MAK: variants seen among roughly 807,000 people sequenced by gnomAD.
MAK encodes the protein male germ cell associated kinase, also known as serine/threonine-protein kinase MAK.
MAK carries 65 observed loss-of-function variants against 82.6 expected under a neutral mutation model. The ratio of observed to expected loss-of-function variants is 0.79; its 90% CI spans 0.64 to 0.97. MAK has a LOEUF of 0.97. MAK is among the 50% of genes least tolerant of loss of function. MAK has a pLI of 0.00. For missense variants in MAK, 703 were observed against 780.2 expected (o/e 0.90, Z 1.18); for synonymous variants, 250 against 274.2 (o/e 0.91, Z 0.87).
chr6:10,815,945 T>TATATATATATAA lies in MAK; in HGVS notation c.278+1904_278+1905insTTATATATATAT, dbSNP rs1171616235. ...ATATATATATATATATATATATATATATGTATGTTTTCTTTTTTGTTTGAG... is the reference window on the plus strand; with the variant it reads ...ATATATATATATATATATATATATATATATATATATAAATGTATGTTTTCTTTTTTGTTTGAG... On this transcript the variant is annotated intron_variant, in intron 4 of 14. Coordinates refer to ENST00000354489, the MANE Select transcript of MAK (RefSeq NM_001242957.3). 2.7e-4 allele frequency among the ~76,000 whole-genome samples: 31 copies of TATATATATATAA among 116,854 alleles called. 2 individuals carry two copies. Among genetic ancestry groups the TATATATATATAA allele is most frequent in the African/African-American group, 1.0e-3 (27 of 26,610 alleles). The allele number at this position is 116,854 out of a possible 152,430, so 76.7% of individuals were successfully genotyped here. A position where few individuals can be genotyped will look rare whatever the true frequency, so the allele number is the denominator to read the frequency against.
At chr6:10,768,053 G>A (rs1451618743) in intron 14 of MAK, among the ~76,000 whole-genome samples, 3 of 152,034 alleles carry the variant, frequency 2.0e-5, no homozygotes, top group South Asian at 2.1e-4. Flanking sequence ...ATCACCATCT[G>A]TAGAAAAATC....
At chr6:10,818,825 A>G (rs897232681) in intron 3 of MAK, 61 bp downstream of exon 3, 1 of 878,072 alleles carries the variant, frequency 1.1e-6, no homozygotes, top group Non-Finnish European at 1.9e-6. Flanking sequence ...AAATCATCTT[A>G]ACTACGGTCC....
Position 10,806,505 on chromosome 6 carries a change from A to AT in MAK, c.491+2304dup, listed in dbSNP as rs70991049. ...AGGTGCCCGCCACCACACCCGTCTA[A>AT]TTTTTTTTTTTTTTTTTTTTTTTTT... On this transcript the variant is annotated intron_variant, in intron 6 of 14. Coordinates refer to ENST00000354489, the MANE Select transcript of MAK (RefSeq NM_001242957.3). Among the ~76,000 whole-genome samples the AT allele has an allele frequency of 9.8e-3, 1,151 of 117,022 alleles. 8 individuals are homozygous for AT. Among genetic ancestry groups the AT allele is most frequent in the Admixed American group, 0.019 (202 of 10,666 alleles). 76.8% of individuals were successfully genotyped at this position (117,022 alleles called of 152,430 possible).
At chr6:10,828,592 A>G (rs1778548940) in intron 2 of MAK, among the ~76,000 whole-genome samples, 1 of 152,170 alleles carries the variant, frequency 6.6e-6, no homozygotes, top group Non-Finnish European at 1.5e-5. Context: ...TCCTTATAAG[A>G]GGAGCCTGGG....
At chr6:10,805,864 CTCTG>C (rs1166933755) in intron 6 of MAK, among the ~76,000 whole-genome samples, 1 of 152,234 alleles carries the variant, frequency 6.6e-6, no homozygotes, top group African/African-American at 2.4e-5. Context: ...TCTTCCATCT[CTCTG>C]TCTGCCTTCT....
chr6:10,773,897 C>T (rs905777972), intron 12 of MAK, among the ~76,000 whole-genome samples: 2 of 151,998 alleles, frequency 1.3e-5, no homozygotes, highest in Admixed American at 6.6e-5. Flanking sequence ...GACAGGGTTT[C>T]ACCATGTTGG....
At chr6:10,772,595 G>C (rs537032791) in intron 13 of MAK, among the ~76,000 whole-genome samples, 2 of 151,738 alleles carry the variant, frequency 1.3e-5, no homozygotes, top group Non-Finnish European at 2.9e-5. Context: ...TGCCCGGCTC[G>C]GCCTCCTGAA....
intron 5 of MAK, among the ~76,000 whole-genome samples, chr6:10,809,829 G>A (rs931810889): frequency 6.6e-6 from 1 of 152,182 alleles, no homozygotes; most frequent in African/African-American, 2.4e-5. Context: ...GCCAGGCGTG[G>A]TGGCTCACGC....
chr6:10,783,761 C>G (rs1375067082), intron 11 of MAK, among the ~76,000 whole-genome samples: 2 of 152,224 alleles, frequency 1.3e-5, no homozygotes, highest in African/African-American at 4.8e-5. Context: ...TGGCTCACGC[C>G]TGTCATCTCA....
At chr6:10,824,685 G>A (rs1232403419) in intron 2 of MAK, among the ~76,000 whole-genome samples, 1 of 152,090 alleles carries the variant, frequency 6.6e-6, no homozygotes, top group Non-Finnish European at 1.5e-5. Flanking sequence ...GTAATTTCAG[G>A]CGGACTCTTC....
At chr6:10,802,508 C>T (rs1208861577) in intron 7 of MAK, 1 of 162,198 alleles carries the variant, frequency 6.2e-6, no homozygotes, top group Non-Finnish European at 1.3e-5. Context: ...ACTATGTTGC[C>T]CAGGCTGGTC....
intron 10 of MAK, among the ~76,000 whole-genome samples, chr6:10,788,755 A>G (rs1041751315): frequency 6.6e-6 from 1 of 152,084 alleles, no homozygotes; most frequent in African/African-American, 2.4e-5. Context: ...AAAAAGAAAA[A>G]AAATGTTTCA....
Position 10,784,485 on chromosome 6 carries a change from G to A in MAK, c.1404C>T (p.Ser468=), listed in dbSNP as rs184920692. The A allele has an allele frequency of 1.3e-5, 21 of 1,614,086 alleles. No homozygotes were observed. Among genetic ancestry groups the A allele is most frequent in the Middle Eastern group, 1.6e-4 (1 of 6,062 alleles). Residue 468 remains serine (S), a synonymous_variant, in exon 11 of 15, where the codon TCC becomes TCT. Transcript: ENST00000354489. ...LPAVTSLKSD[S]ELSTAPTSKQ... ...TAGAGGTTGGAGCAGTTGACAATTC[G>A]GAATCAGATTTTAGGGAAGTAACAG...
At chr6:10,818,963 T>G (rs979002892) in intron 2 of MAK, 23 bp from the exon 3 acceptor site, 1 of 1,369,774 alleles carries the variant, frequency 7.3e-7, no homozygotes, top group African/African-American at 1.4e-5. Flanking sequence ...AGGGAAAGTT[T>G]AGTGTTCAGG....
chr6:10,770,026 T>A, intron 14 of MAK, 85 bp downstream of exon 14: 2 of 1,610,478 alleles, frequency 1.2e-6, no homozygotes, highest in Non-Finnish European at 1.7e-6. Context: ...AGTCTTCGCT[T>A]GGGAAAAGTG....
chr6:10,789,805 G>A (rs558349571), intron 10 of MAK, among the ~76,000 whole-genome samples: 5 of 152,058 alleles, frequency 3.3e-5, no homozygotes, highest in East Asian at 1.9e-4. Context: ...ACAGGCGCCC[G>A]CCACCACACC....
At chr6:10,782,685 C>T (rs1459261630) in intron 11 of MAK, among the ~76,000 whole-genome samples, 1 of 150,462 alleles carries the variant, frequency 6.6e-6, no homozygotes, top group South Asian at 2.1e-4. Flanking sequence ...TCAAGCAATT[C>T]TCCTGCCTCA....
intron 5 of MAK, among the ~76,000 whole-genome samples, chr6:10,813,124 ATATATATATAAATTTTTTTTTTTTTT>A (rs1777149308): frequency 3.7e-3 from 3 of 816 alleles, no homozygotes; most frequent in African/African-American, 9.3e-3. Context: ...ATATATATAT[ATATATATATAAATTTTTTTTTTTTTT>A]TTTTTTTTTT....
chr6:10,770,123 C>G lies in MAK; in HGVS notation c.1780G>C (p.Ala594Pro). ...AAGTTGTTCCTACCTGAAGCCGTTG[C>G]ATTGAGAGGTGCTAAGTGGATCCTC... ...GQRIHLAPLN[A>P]TASEYTWNTK... The change falls in exon 14 of 15, where the codon GCA becomes CCA. Residue 594 changes from alanine to proline, a missense_variant. Coordinates refer to ENST00000354489, the MANE Select transcript of MAK (RefSeq NM_001242957.3). 6 of 1,614,180 alleles carry G rather than the reference C, an allele frequency of 3.7e-6. No homozygotes were observed. Among genetic ancestry groups the G allele is most frequent in the Non-Finnish European group, 4.2e-6 (5 of 1,180,034 alleles).
Sources: gnomAD v4.1 joint callset for allele counts (sites outside exome capture counted in the v4.1 genomes callset) on GRCh38, gnomAD v4.1.1 for gene constraint, MANE v1.5 for transcripts, NCBI Gene and HGNC (gene_info 2026-07-23, HGNC 2026-07-21) for gene names.